PPP3R1: variants seen among roughly 807,000 people sequenced by gnomAD.
The protein encoded by PPP3R1 is calcineurin subunit B type 1.
Under a neutral mutation model 22.6 loss-of-function variants are expected in PPP3R1, and 5 were observed. The observed-to-expected ratio is 0.22, with a 90% CI of 0.12 to 0.46. The LOEUF (loss-of-function observed/expected upper bound fraction) is 0.46, where lower values mean the gene tolerates loss of function less well. Among genes scored for constraint, PPP3R1 ranks in the 20% least tolerant of loss-of-function variants. The probability of loss-of-function intolerance (pLI) is 0.99; values close to 1 mark genes in which losing one functional copy is unlikely to be tolerated. For synonymous variants in PPP3R1, 56 were observed against 65.2 expected (o/e 0.86, Z 0.68); for missense variants, 61 against 203.2 (o/e 0.30, Z 4.25).
chr2:68,225,552 T>C (rs1460389814), intron 1 of PPP3R1, among the ~76,000 whole-genome samples: 1 of 152,210 alleles, frequency 6.6e-6, no homozygotes, highest in Non-Finnish European at 1.5e-5. Context: ...GATTTCAGCC[T>C]TGTGATACTC....
At chr2:68,236,856 T>A (rs1052952733) in intron 1 of PPP3R1, among the ~76,000 whole-genome samples, 1 of 152,076 alleles carries the variant, frequency 6.6e-6, no homozygotes, top group African/African-American at 2.4e-5. Context: ...AGGAAAAACC[T>A]CCTATGAGAC....
chr2:68,249,728 GGAAAAAA>G (rs1558646896), intron 1 of PPP3R1, among the ~76,000 whole-genome samples: 1 of 137,124 alleles, frequency 7.3e-6, no homozygotes, highest in African/African-American at 2.7e-5. Flanking sequence ...TTAACTTTCA[GGAAAAAA>G]AAAAATAAAC....
At chr2:68,241,834 A>G (rs568763220) in intron 1 of PPP3R1, among the ~76,000 whole-genome samples, 192 of 135,592 alleles carry the variant, frequency 1.4e-3, no homozygotes, top group African/African-American at 5.4e-3. Flanking sequence ...ACAGAGTAAG[A>G]CTCCATCTCA....
intron 2 of PPP3R1, among the ~76,000 whole-genome samples, chr2:68,211,246 A>T (rs1669476837): frequency 6.6e-6 from 1 of 151,840 alleles, no homozygotes; most frequent in Non-Finnish European, 1.5e-5. Flanking sequence ...CTCTACTAAA[A>T]ATACAAAAAA....
chr2:68,240,742 T>C (rs1047487475), intron 1 of PPP3R1, among the ~76,000 whole-genome samples: 2 of 152,100 alleles, frequency 1.3e-5, no homozygotes, highest in Admixed American at 6.5e-5. Context: ...AGAAAACAAG[T>C]AGGAACATGG....
chr2:68,246,014 T>C (rs771941653), intron 1 of PPP3R1, among the ~76,000 whole-genome samples: 7 of 151,838 alleles, frequency 4.6e-5, no homozygotes, highest in Non-Finnish European at 1.0e-4. Context: ...TTTGAAAAGA[T>C]TCAAAAGATA....
rs542686810 is a variant in PPP3R1 at position 68,219,841 on chromosome 2, T to C, written c.4-2710A>G. Among the ~76,000 whole-genome samples the C allele has an allele frequency of 1.2e-4, 18 of 152,330 alleles. No individual in the cohort carries two copies. The East Asian group carries it at 2.3e-3, about 20-fold the overall frequency. On this transcript the variant is annotated intron_variant, in intron 1 of 5. Transcript: ENST00000234310. ...ATGTTTTAAGTTTACATAAGAACAC[T>C]TGAAGAATTCAAACATCATGCCACA... is the stretch of plus-strand genomic sequence containing the variant.
At chr2:68,201,458 C>T (rs1674974158) in intron 2 of PPP3R1, among the ~76,000 whole-genome samples, 1 of 152,144 alleles carries the variant, frequency 6.6e-6, no homozygotes, top group Non-Finnish European at 1.5e-5. Context: ...AATTCCACCA[C>T]ATAATTCATA....
chr2:68,234,304 C>T (rs2103798674), intron 1 of PPP3R1, among the ~76,000 whole-genome samples: 1 of 151,824 alleles, frequency 6.6e-6, no homozygotes, highest in Non-Finnish European at 1.5e-5. Flanking sequence ...GATTGTGCCA[C>T]TGCACTCCAG....
intron 2 of PPP3R1, among the ~76,000 whole-genome samples, chr2:68,198,238 CACATATGTACATACATATGT>C (rs1674847566): frequency 1.8e-5 from 2 of 112,244 alleles, no homozygotes; most frequent in African/African-American, 6.3e-5. Flanking sequence ...TATATGTATA[CACATATGTACATACATATGT>C]ATACATACAT....
chr2:68,227,663 AT>A (rs1490941407), intron 1 of PPP3R1, among the ~76,000 whole-genome samples: 1 of 152,058 alleles, frequency 6.6e-6, no homozygotes, highest in African/African-American at 2.4e-5. Context: ...CATCCAGCAA[AT>A]GTTTGAAGGC....
chr2:68,206,434 C>A (rs1675126617), intron 2 of PPP3R1, among the ~76,000 whole-genome samples: 1 of 152,148 alleles, frequency 6.6e-6, no homozygotes, highest in South Asian at 2.1e-4. Flanking sequence ...CTTAAATCAT[C>A]CCCAAGTTTT....
intron 3 of PPP3R1, among the ~76,000 whole-genome samples, 176 bp downstream of exon 3, chr2:68,188,338 G>A (rs1360506358): frequency 6.6e-6 from 1 of 151,912 alleles, no homozygotes; most frequent in Non-Finnish European, 1.5e-5. Context: ...ATGAACCACA[G>A]AGTAAAATGT....
intron 1 of PPP3R1, among the ~76,000 whole-genome samples, chr2:68,248,975 CACA>C (rs1327579479): frequency 1.3e-5 from 2 of 152,308 alleles, no homozygotes; most frequent in African/African-American, 4.8e-5. Context: ...CAACAGAGAG[CACA>C]ACAACCAGTA....
Position 68,180,853 on chromosome 2 carries a change from G to T in PPP3R1, c.*110C>A. The T allele has an allele frequency of 8.7e-7, 1 of 1,151,500 alleles. No homozygotes were observed. The highest frequency in any genetic ancestry group is 1.4e-5 in the South Asian group (1 of 71,508). 71.3% of individuals were successfully genotyped at this position (1,151,500 alleles called of 1,614,324 possible). On this transcript the variant is annotated 3_prime_UTR_variant, in exon 6 of 6. Coordinates refer to ENST00000234310, the MANE Select transcript of PPP3R1 (RefSeq NM_000945.4). Reference sequence around the variant, plus strand: ...TCATGTTGGAAAATGTGGCTTCACAGAGAAAAATACTTCCATTTAAATACA... The same window carrying T: ...TCATGTTGGAAAATGTGGCTTCACATAGAAAAATACTTCCATTTAAATACA...
At position 68,239,309 on chromosome 2, in the gene PPP3R1, G is replaced by C. The variant is rs143763681; in HGVS notation, c.3+12816C>G. Among the ~76,000 whole-genome samples the C allele has an allele frequency of 5.9e-4, 90 of 152,222 alleles. No individual in the cohort carries two copies. The East Asian group carries it at 0.017, about 28-fold the overall frequency. Reference sequence around the variant, plus strand: ...TATGCTGGGAATATTATGTTTCCCTGTTTACTGACAGAATATAAGTCAATT... The same window carrying C: ...TATGCTGGGAATATTATGTTTCCCTCTTTACTGACAGAATATAAGTCAATT... On this transcript the variant is annotated intron_variant, in intron 1 of 5. Coordinates refer to ENST00000234310, the MANE Select transcript of PPP3R1 (RefSeq NM_000945.4).
chr2:68,233,874 A>G (rs532540192), intron 1 of PPP3R1, among the ~76,000 whole-genome samples: 15 of 152,224 alleles, frequency 9.9e-5, no homozygotes, highest in Admixed American at 4.6e-4. Flanking sequence ...AGTAATCCTT[A>G]AAAGTTAAAA....
intron 2 of PPP3R1, among the ~76,000 whole-genome samples, chr2:68,216,470 T>A (rs10180892): frequency 0.75 from 112,847 of 151,366 alleles, 43,067 homozygotes; most frequent in African/African-American, 0.93. Context: ...ATAAAAAAAT[T>A]AAAAATTAAA....
At chr2:68,204,451 G>A (rs1457892903) in intron 2 of PPP3R1, among the ~76,000 whole-genome samples, 1 of 151,626 alleles carries the variant, frequency 6.6e-6, no homozygotes, top group African/African-American at 2.4e-5. Context: ...AAGATTTACT[G>A]AAGACAGACT....
Sources: allele counts gnomAD v4.1 joint callset (sites outside exome capture counted in the v4.1 genomes callset), GRCh38; gene constraint gnomAD v4.1.1; transcripts MANE v1.5; gene names NCBI Gene and HGNC (gene_info 2026-07-23, HGNC 2026-07-21).